The following KCNIP1 variants were observed in gnomAD, a reference collection of about 807,000 sequenced individuals.
KCNIP1 encodes the protein potassium voltage-gated channel interacting protein 1.
Under a neutral mutation model 33.0 loss-of-function variants are expected in KCNIP1, and 18 were observed. The observed-to-expected ratio is 0.55, with a 90% CI of 0.38 to 0.81. The LOEUF (loss-of-function observed/expected upper bound fraction) is 0.81. Among genes scored for constraint, KCNIP1 ranks in the 30% least tolerant of loss-of-function variants. The probability of loss-of-function intolerance (pLI) is 0.00; values close to 1 mark genes in which losing one functional copy is unlikely to be tolerated. For missense variants in KCNIP1, 238 were observed against 271.6 expected (o/e 0.88, Z 0.87); for synonymous variants, 93 against 98.3 (o/e 0.95, Z 0.32).
In KCNIP1 at chr5:170,401,554, A is replaced by T. The variant is rs78241973; in HGVS notation, c.88+47590A>T. Among the ~76,000 whole-genome samples the T allele has an allele frequency of 1.2e-4, 19 of 152,118 alleles. 1 individual carries two copies. The highest frequency in any genetic ancestry group is 2.5e-4 in the Non-Finnish European group (17 of 68,016). ...CAAGACGAGAAGATTGCTTGAGCCC[A>T]GGAGTTCTAGACCAGCCTGGGCAAC... On this transcript the variant is annotated intron_variant, in intron 1 of 7. Coordinates refer to the KCNIP1 transcript ENST00000377360.
chr5:170,486,092 G>A (rs1239306368), intron 1 of KCNIP1: 1 of 152,056 alleles, frequency 6.6e-6, no homozygotes, highest in Non-Finnish European at 1.5e-5. Context: ...TCCCCCAGAT[G>A]TTGCATTTCA....
chr5:170,556,444 G>C (rs1440358841), intron 1 of KCNIP1, among the ~76,000 whole-genome samples: 1 of 152,230 alleles, frequency 6.6e-6, no homozygotes, highest in Non-Finnish European at 1.5e-5. Context: ...GAAGGCCCTT[G>C]TAAGCACCTT....
At chr5:170,676,045 A>C (rs1293223989) in intron 1 of KCNIP1, among the ~76,000 whole-genome samples, 1 of 120,594 alleles carries the variant, frequency 8.3e-6, no homozygotes, top group African/African-American at 2.7e-5. Context: ...AAAGAGAGAG[A>C]GCAGAAAGGA....
At chr5:170,623,222 CT>C (rs1019710815) in intron 1 of KCNIP1, among the ~76,000 whole-genome samples, 2 of 136,886 alleles carry the variant, frequency 1.5e-5, no homozygotes, top group Non-Finnish European at 3.2e-5. Context: ...TTTTTTTTTT[CT>C]TTTTTTTGAG....
chr5:170,423,954 G>C (rs1020548279), intron 1 of KCNIP1, among the ~76,000 whole-genome samples: 141 of 152,302 alleles, frequency 9.3e-4, no homozygotes, highest in African/African-American at 3.1e-3. Context: ...AGAAATAAAG[G>C]CTGATTAAAT....
intron 1 of KCNIP1, among the ~76,000 whole-genome samples, chr5:170,431,917 A>T (rs11954245): frequency 0.032 from 4,823 of 150,048 alleles, 216 homozygotes; most frequent in African/African-American, 0.1. Context: ...AGGACATTCC[A>T]CTCTCTTCTC....
At chr5:170,421,198 C>A (rs1755481665) in intron 1 of KCNIP1, among the ~76,000 whole-genome samples, 1 of 152,146 alleles carries the variant, frequency 6.6e-6, no homozygotes, top group African/African-American at 2.4e-5. Flanking sequence ...ATGATGTCGG[C>A]AAACCTTGGC....
intron 1 of KCNIP1, among the ~76,000 whole-genome samples, chr5:170,560,960 C>A (rs1561687428): frequency 6.6e-6 from 1 of 152,126 alleles, no homozygotes; most frequent in Non-Finnish European, 1.5e-5. Flanking sequence ...ATTCTTCTCA[C>A]AAGAAGGAGT....
intron 1 of KCNIP1, among the ~76,000 whole-genome samples, chr5:170,666,645 A>G (rs573886683): frequency 1.3e-5 from 2 of 152,350 alleles, no homozygotes; most frequent in Non-Finnish European, 2.9e-5. Flanking sequence ...GGGTATTTTC[A>G]TCTGGTCTTT....
At chr5:170,548,496 CAA>C (rs747704195) in intron 1 of KCNIP1, among the ~76,000 whole-genome samples, 102 of 152,194 alleles carry the variant, frequency 6.7e-4, no homozygotes, top group Non-Finnish European at 1.2e-3. Flanking sequence ...AGAGAGGTAA[CAA>C]CCCAAGTTCA....
intron 1 of KCNIP1, among the ~76,000 whole-genome samples, chr5:170,615,594 A>G (rs1055835435): frequency 6.6e-5 from 10 of 152,118 alleles, no homozygotes; most frequent in Non-Finnish European, 1.2e-4. Flanking sequence ...GGGCTTTTCC[A>G]CCAGGTTAAA....
intron 1 of KCNIP1, among the ~76,000 whole-genome samples, chr5:170,705,420 G>T (rs2194162): frequency 2.6e-5 from 4 of 152,050 alleles, no homozygotes; most frequent in Non-Finnish European, 5.9e-5. Flanking sequence ...TCAGCTAAGA[G>T]ATGGCCCGTA....
chr5:170,507,619 C>A (rs1188694450), intron 1 of KCNIP1, among the ~76,000 whole-genome samples: 1 of 152,172 alleles, frequency 6.6e-6, no homozygotes, highest in Non-Finnish European at 1.5e-5. Flanking sequence ...TGTGGCTTGT[C>A]CTGAAAACAT....
At chr5:170,542,766 A>G (rs902343587) in intron 1 of KCNIP1, among the ~76,000 whole-genome samples, 4 of 152,228 alleles carry the variant, frequency 2.6e-5, no homozygotes, top group Non-Finnish European at 5.9e-5. Context: ...ACAATATAGT[A>G]TAATAAAAGT....
At chr5:170,492,938 C>T (rs1015790907) in intron 1 of KCNIP1, among the ~76,000 whole-genome samples, 2 of 152,144 alleles carry the variant, frequency 1.3e-5, no homozygotes, top group African/African-American at 2.4e-5. Context: ...TTAGTAGAGA[C>T]GGGGTTTCAC....
At chr5:170,513,059 A>G (rs1257391007) in intron 1 of KCNIP1, among the ~76,000 whole-genome samples, 3 of 152,048 alleles carry the variant, frequency 2.0e-5, no homozygotes, top group Non-Finnish European at 2.9e-5. Flanking sequence ...TGGAAAAAAA[A>G]AAAAAACCTC....
chr5:170,504,619 G>C lies in KCNIP1; in HGVS notation c.47G>C (p.Arg16Thr). 1.9e-6 allele frequency: 3 copies of C among 1,613,860 alleles called. No homozygotes were observed. The highest frequency in any genetic ancestry group is 1.7e-6 in the Non-Finnish European group (2 of 1,179,942). The change falls in exon 1 of 8, where the codon AGG becomes ACG. Residue 16 changes from arginine to threonine, a missense_variant. Transcript: ENST00000328939. The surrounding 1 kb of genome is among the most constrained non-coding windows in gnomAD (Gnocchi z 6.0). ...GTFSSLQTKQ[R>T]RPSKDKIEDE... ...TTCTCATCTCTGCAAACCAAACAAAGGCGACCCTCGAAAGGTAAGCCACCT... is the reference window on the plus strand; with the variant it reads ...TTCTCATCTCTGCAAACCAAACAAACGCGACCCTCGAAAGGTAAGCCACCT...
At chr5:170,600,846 G>A (rs990042868) in intron 1 of KCNIP1, among the ~76,000 whole-genome samples, 2 of 152,206 alleles carry the variant, frequency 1.3e-5, no homozygotes, top group African/African-American at 2.4e-5. Flanking sequence ...CACGGTCGCT[G>A]TGAGGTGTAA....
chr5:170,402,006 T>C (rs568573137), intron 1 of KCNIP1, among the ~76,000 whole-genome samples: 1 of 152,312 alleles, frequency 6.6e-6, no homozygotes, highest in African/African-American at 2.4e-5. Context: ...AATCCTTCCT[T>C]GCCTTTTCCA....
Sources: allele counts gnomAD v4.1 joint callset (sites outside exome capture counted in the v4.1 genomes callset), GRCh38; gene constraint gnomAD v4.1.1; non-coding constraint Gnocchi (gnomAD v3.1); transcripts MANE v1.5; gene names NCBI Gene and HGNC (gene_info 2026-07-23, HGNC 2026-07-21).